Variants in PLOD2 observed in about 807,000 individuals in gnomAD.
PLOD2 encodes the protein lysine hydroxylase 2.
Under a neutral mutation model 101.0 loss-of-function variants are expected in PLOD2, and 65 were observed. The observed-to-expected ratio is 0.64, with a 90% confidence interval of 0.53 to 0.79. The LOEUF is 0.79. PLOD2 is among the 30% of genes least tolerant of loss of function. The probability of loss-of-function intolerance (pLI) is 0.00; values close to 1 mark genes in which losing one functional copy is unlikely to be tolerated. For missense variants in PLOD2, 909 were observed against 914.6 expected, an observed-to-expected ratio of 0.99 and a Z score of 0.08; for synonymous variants, 314 against 302.9, an observed-to-expected ratio of 1.04 and a Z score of -0.38.
intron 1 of PLOD2, among the ~76,000 whole-genome samples, chr3:146,159,766 T>C (rs1227208351): frequency 6.6e-6 from 1 of 152,194 alleles, no homozygotes; most frequent in Non-Finnish European, 1.5e-5. Flanking sequence ...CTGATAGAAA[T>C]CCATCTGAAT....
At chr3:146,110,480 T>A in intron 3 of PLOD2, 32 bp from the exon 4 acceptor site, 1 of 1,569,192 alleles carries the variant, frequency 6.4e-7, no homozygotes, top group Non-Finnish European at 8.7e-7. Flanking sequence ...TGTTTTAAAA[T>A]ACACTTGTCA....
intron 7 of PLOD2, among the ~76,000 whole-genome samples, chr3:146,102,157 T>G (rs1937408858): frequency 6.6e-6 from 1 of 152,208 alleles, no homozygotes; most frequent in Non-Finnish European, 1.5e-5. Context: ...ACTATATTTT[T>G]TCAATGCAAT....
chr3:146,117,839 A>G (rs1937981825), intron 3 of PLOD2, among the ~76,000 whole-genome samples: 1 of 152,140 alleles, frequency 6.6e-6, no homozygotes, highest in South Asian at 2.1e-4. Context: ...CTCAACCTCA[A>G]GCAGGCTTTA....
chr3:146,100,616 T>C (rs1046858506), intron 7 of PLOD2, among the ~76,000 whole-genome samples: 9 of 152,126 alleles, frequency 5.9e-5, no homozygotes, highest in Non-Finnish European at 1.2e-4. Flanking sequence ...TACAGAAGAT[T>C]TGTAGACACA....
chr3:146,123,222 C>CTT (rs2030306807), intron 2 of PLOD2: 3 of 651,542 alleles, frequency 4.6e-6, no homozygotes, highest in Non-Finnish European at 6.2e-6. Flanking sequence ...AGTAATCTTT[C>CTT]TTCTTTTTTA....
In PLOD2 at chr3:146,075,406, T is replaced by C. The variant is rs892781959; in HGVS notation, c.1677+1376A>G. ...GATTGTTGAAGACAGCATTTTCCCTTGAATAAGTGTGCCACTTGCCTAACA... is the reference window on the plus strand; with the variant it reads ...GATTGTTGAAGACAGCATTTTCCCTCGAATAAGTGTGCCACTTGCCTAACA... On this transcript the variant is annotated intron_variant, in intron 15 of 19. Transcript: ENST00000282903. Among the ~76,000 whole-genome samples the C allele has an allele frequency of 4.1e-5, 6 of 146,056 alleles. No homozygotes were observed. The Admixed American group carries it at 4.2e-4, about 10-fold the overall frequency.
intron 1 of PLOD2, among the ~76,000 whole-genome samples, chr3:146,129,661 A>C (rs1478981302): frequency 6.6e-6 from 1 of 152,194 alleles, no homozygotes; most frequent in African/African-American, 2.4e-5. Context: ...ATGCATGTGC[A>C]AGATAGACTG....
chr3:146,102,837 T>G lies in PLOD2; in HGVS notation c.695A>C (p.Lys232Thr), dbSNP rs374486679. Residue 232 changes from lysine (K) to threonine (T), a missense_variant, in exon 7 of 20, where the codon AAA becomes ACA. Coordinates refer to ENST00000282903, the MANE Select transcript of PLOD2 (RefSeq NM_182943.3). ...LNGAVDEVVL[K>T]FENGKARAKN... is the part of the protein sequence containing the mutation. ...AGCTCTGGCTTTGCCATTTTCAAATTTTAAAACAACTTCATCTGGGTTAAA... is the reference window on the plus strand; with the variant it reads ...AGCTCTGGCTTTGCCATTTTCAAATGTTAAAACAACTTCATCTGGGTTAAA... 3 of 1,581,592 alleles carry G rather than the reference T, an allele frequency of 1.9e-6. No individual in the cohort carries two copies. The highest frequency in any genetic ancestry group is 1.7e-6 in the Non-Finnish European group (2 of 1,150,606).
chr3:146,108,124 AC>A (rs1195033733), intron 4 of PLOD2, among the ~76,000 whole-genome samples: 10 of 152,102 alleles, frequency 6.6e-5, no homozygotes, highest in East Asian at 1.9e-4. Flanking sequence ...TGAAAAAAAA[AC>A]ATCTATTTTC....
intron 9 of PLOD2, among the ~76,000 whole-genome samples, chr3:146,088,038 G>A (rs991403826): frequency 4.0e-5 from 6 of 151,694 alleles, no homozygotes; most frequent in African/African-American, 1.4e-4. Context: ...AGAAATAACT[G>A]TAAAAATACT....
chr3:146,116,491 G>A (rs1334449916), intron 3 of PLOD2, among the ~76,000 whole-genome samples: 15 of 152,094 alleles, frequency 9.9e-5, no homozygotes, highest in Admixed American at 9.8e-4. Flanking sequence ...TATTTTTGTT[G>A]TGCTGTTGGA....
At chr3:146,152,256 C>A (rs1424947674) in intron 1 of PLOD2, among the ~76,000 whole-genome samples, 1 of 151,990 alleles carries the variant, frequency 6.6e-6, no homozygotes, top group Non-Finnish European at 1.5e-5. Context: ...CCCGTTTCTA[C>A]TAAATATACA....
chr3:146,088,725 C>T lies in PLOD2; in HGVS notation c.880-14G>A. ...GTTTGGATGGACCTTTGTTTTACAC[C>T]AAACATAAAAATAAAATTATCATTA... On this transcript the variant is annotated splice_polypyrimidine_tract_variant and intron_variant, in intron 8 of 19. Coordinates refer to ENST00000282903, the MANE Select transcript of PLOD2 (RefSeq NM_182943.3). 1 of 1,587,626 alleles carries T rather than the reference C, an allele frequency of 6.3e-7. No homozygotes were observed. The highest frequency in any genetic ancestry group is 8.6e-7 in the Non-Finnish European group (1 of 1,157,752).
At chr3:146,092,475 C>A (rs2108030976) in intron 7 of PLOD2, among the ~76,000 whole-genome samples, 1 of 152,116 alleles carries the variant, frequency 6.6e-6, no homozygotes, top group East Asian at 1.9e-4. Flanking sequence ...GGTACTGATT[C>A]AGGAAAAGAG....
intron 4 of PLOD2, among the ~76,000 whole-genome samples, chr3:146,107,619 T>C (rs1003137602): frequency 5.0e-5 from 7 of 139,050 alleles, no homozygotes; most frequent in East Asian, 2.1e-4. Context: ...TCTTGCCATA[T>C]AAATTTTTTT....
intron 7 of PLOD2, among the ~76,000 whole-genome samples, chr3:146,101,572 T>G (rs370809233): frequency 6.6e-6 from 1 of 152,158 alleles, no homozygotes; most frequent in Admixed American, 6.5e-5. Context: ...GATTTCACAA[T>G]GGACCTTAAC....
rs539335289 is a variant in PLOD2, at chr3:146,070,168, A to C, written c.*549T>G. On this transcript the variant is annotated 3_prime_UTR_variant, in exon 20 of 20. Transcript: ENST00000282903. Reference sequence around the variant, plus strand: ...TGTTTTGTACCATTTTCTTGAGGAAAACGTTGTGTAATTCTTTGTGTGTTC... The same window carrying C: ...TGTTTTGTACCATTTTCTTGAGGAACACGTTGTGTAATTCTTTGTGTGTTC... The C allele has an allele frequency of 6.6e-6, 1 of 152,128 alleles. No individual in the cohort carries two copies. Among genetic ancestry groups the C allele is most frequent in the East Asian group, 1.9e-4 (1 of 5,162 alleles). 9.4% of individuals were successfully genotyped at this position (152,128 alleles called of 1,614,324 possible). A position where few individuals can be genotyped will look rare whatever the true frequency, so the allele number is the denominator to read the frequency against.
chr3:146,084,214 T>C (rs1226982844), intron 11 of PLOD2, among the ~76,000 whole-genome samples: 1 of 152,092 alleles, frequency 6.6e-6, no homozygotes, highest in African/African-American at 2.4e-5. Context: ...ATTCATATGC[T>C]TTGGAAAATT....
In PLOD2 at chr3:146,101,199, T is replaced by C. The variant is rs563373535; in HGVS notation, c.777+1556A>G. Among the ~76,000 whole-genome samples, 5 of 152,152 alleles carry C rather than the reference T, an allele frequency of 3.3e-5. No individual in the cohort carries two copies. The South Asian group carries it at 8.3e-4, about 25-fold the overall frequency. ...AAAGACACAGGAGTTAGAGGAAGGATTTGAAAACCACCAGCATTGAGAGAA... is the reference window on the plus strand; with the variant it reads ...AAAGACACAGGAGTTAGAGGAAGGACTTGAAAACCACCAGCATTGAGAGAA... On this transcript the variant is annotated intron_variant, in intron 7 of 19. Transcript: ENST00000282903.
Sources: gnomAD v4.1 joint callset for allele counts (sites outside exome capture counted in the v4.1 genomes callset) on GRCh38, gnomAD v4.1.1 for gene constraint, MANE v1.5 for transcripts, NCBI Gene and HGNC (gene_info 2026-07-23, HGNC 2026-07-21) for gene names.